Variants in EFCAB14 observed in about 807,000 individuals in gnomAD.
EFCAB14 encodes the protein EF-hand calcium binding domain 14.
Under a neutral mutation model 56.5 loss-of-function variants are expected in EFCAB14, and 43 were observed. The ratio of observed to expected loss-of-function variants is 0.76; its 90% CI spans 0.60 to 0.98. EFCAB14 has a LOEUF of 0.98. EFCAB14 is among the 50% of genes least tolerant of loss of function. The pLI, the probability that EFCAB14 is intolerant of heterozygous loss-of-function variation, is 0.00. For synonymous variants in EFCAB14, 235 were observed against 212.9 expected (o/e 1.10, Z -0.90); for missense variants, 538 against 580.3 (o/e 0.93, Z 0.75).
At chr1:46,681,286 T>C (rs1676790336) in intron 10 of EFCAB14, among the ~76,000 whole-genome samples, 1 of 152,182 alleles carries the variant, frequency 6.6e-6, no homozygotes, top group Non-Finnish European at 1.5e-5. Context: ...AAAAAATACT[T>C]GTGTCCCCAT....
intron 3 of EFCAB14, among the ~76,000 whole-genome samples, chr1:46,706,087 G>A (rs868449390): frequency 2.6e-5 from 4 of 152,046 alleles, no homozygotes; most frequent in African/African-American, 9.7e-5. Context: ...GGCTGATCTG[G>A]AACTCCTTGG....
In EFCAB14 at chr1:46,692,017, G is replaced by A. The variant is rs1042829286; in HGVS notation, c.580-80C>T. 6.0e-6 allele frequency: 6 copies of A among 1,002,962 alleles called. No individual in the cohort carries two copies. The East Asian group carries it at 1.6e-4, about 27-fold the overall frequency. The allele number at this position is 1,002,962 out of a possible 1,614,324, so 62.1% of individuals were successfully genotyped here. ...CAATAAACTGTACATATTCAAAAAT[G>A]TATAATTTGAATGTTTTGACACATA... On this transcript the variant is annotated intron_variant, in intron 4 of 10. Coordinates refer to ENST00000371933, the MANE Select transcript of EFCAB14 (RefSeq NM_014774.3).
Position 46,700,986 on chromosome 1 carries a change from A to AGTGAGTGAGTGTGTGTGT in EFCAB14, c.481-4338_481-4337insACACACACACTCACTCAC, listed in dbSNP as rs145670885. Among the ~76,000 whole-genome samples, 15 of 142,840 alleles carry AGTGAGTGAGTGTGTGTGT rather than the reference A, an allele frequency of 1.1e-4. 1 individual carries two copies. Among genetic ancestry groups the AGTGAGTGAGTGTGTGTGT allele is most frequent in the African/African-American group, 3.6e-4 (14 of 38,710 alleles). The allele number at this position is 142,840 out of a possible 152,430, so 93.7% of individuals were successfully genotyped here. A position where few individuals can be genotyped will look rare whatever the true frequency, so the allele number is the denominator to read the frequency against. ...GAGAGAGAGAGAGAGAGAGTGAGTG[A>AGTGAGTGAGTGTGTGTGT]GTGTGTGTGTGTGTGTGTGTGTGTG... is the stretch of plus-strand genomic sequence containing the variant. On this transcript the variant is annotated intron_variant, in intron 3 of 10. Coordinates refer to ENST00000371933, the MANE Select transcript of EFCAB14 (RefSeq NM_014774.3).
chr1:46,712,169 TCA>T lies in EFCAB14; in HGVS notation c.335-4120_335-4119del, dbSNP rs1275393420. On this transcript the variant is annotated intron_variant, in intron 2 of 10. Transcript: ENST00000371933. The stretch of plus-strand genomic sequence containing the variant: ...TACTTTTTCTAGTATACTTTAGAGG[TCA>T]CAGATACCTATATTCCCTAATGCCC... Among the ~76,000 whole-genome samples the T allele has an allele frequency of 6.6e-5, 10 of 152,318 alleles. No individual in the cohort carries two copies. The East Asian group carries it at 1.9e-3, about 29-fold the overall frequency.
chr1:46,684,431 A>G (rs2148838835), intron 9 of EFCAB14, 60 bp downstream of exon 9: 2 of 1,387,960 alleles, frequency 1.4e-6, no homozygotes, highest in African/African-American at 1.4e-5. Context: ...CCTGCTCCCC[A>G]TGTGAGAGGC....
At chr1:46,678,766 GT>G in intron 10 of EFCAB14, 130 bp from the exon 11 acceptor site, 1 of 580,638 alleles carries the variant, frequency 1.7e-6, no homozygotes, top group Non-Finnish European at 2.5e-6. Flanking sequence ...AAATGGTAAA[GT>G]TTAGGATTTC....
chr1:46,702,034 A>T (rs78353821), intron 3 of EFCAB14, among the ~76,000 whole-genome samples: 2,124 of 152,332 alleles, frequency 0.014, 56 homozygotes, highest in African/African-American at 0.048. Flanking sequence ...AGAATGTCAG[A>T]TCAGATTCAG....
chr1:46,692,568 T>C (rs781200774), intron 4 of EFCAB14, among the ~76,000 whole-genome samples: 1 of 152,166 alleles, frequency 6.6e-6, no homozygotes, highest in Non-Finnish European at 1.5e-5. Flanking sequence ...GGTTATGCCA[T>C]TTTACATTCC....
intron 3 of EFCAB14, among the ~76,000 whole-genome samples, chr1:46,705,755 T>C (rs1431324672): frequency 2.6e-5 from 4 of 152,236 alleles, no homozygotes; most frequent in Non-Finnish European, 5.9e-5. Context: ...TTTGTAAATG[T>C]ATGTATCGCT....
chr1:46,676,036 G>A lies in EFCAB14; in HGVS notation c.*2425C>T, dbSNP rs1412184660. 1 of 152,152 alleles carries A rather than the reference G, an allele frequency of 6.6e-6. No individual in the cohort carries two copies. Among genetic ancestry groups the A allele is most frequent in the Non-Finnish European group, 1.5e-5 (1 of 68,014 alleles). The allele number at this position is 152,152 out of a possible 1,614,324, so 9.4% of individuals were successfully genotyped here. A position where few individuals can be genotyped will look rare whatever the true frequency, so the allele number is the denominator to read the frequency against. On this transcript the variant is annotated 3_prime_UTR_variant, in exon 11 of 11. Transcript: ENST00000371933. ...GAGGCTTGACTACAGCTAAATACAA[G>A]TCACAGGCTTAGTAAGTTAAGACAA...
chr1:46,718,258 G>T lies in EFCAB14; in HGVS notation c.-171C>A. ...CTGACCAGATCCGCCAGGGACTGGA[G>T]ATTGGAGCCCAGAGGAAACTGGAAC... On this transcript the variant is annotated 5_prime_UTR_variant, in exon 1 of 11. Transcript: ENST00000371933. 1.7e-6 allele frequency: 1 copy of T among 603,910 alleles called. No individual in the cohort carries two copies. Among genetic ancestry groups the T allele is most frequent in the Admixed American group, 3.0e-5 (1 of 33,264 alleles). 37.4% of individuals were successfully genotyped at this position (603,910 alleles called of 1,614,324 possible). A position where few individuals can be genotyped will look rare whatever the true frequency, so the allele number is the denominator to read the frequency against.
At chr1:46,703,593 A>T (rs1035074323) in intron 3 of EFCAB14, among the ~76,000 whole-genome samples, 1 of 152,228 alleles carries the variant, frequency 6.6e-6, no homozygotes, top group Non-Finnish European at 1.5e-5. Flanking sequence ...GGAACATCAC[A>T]GTCTCCCTGC....
chr1:46,694,215 A>G (rs978021615), intron 4 of EFCAB14, among the ~76,000 whole-genome samples: 2 of 152,256 alleles, frequency 1.3e-5, no homozygotes, highest in African/African-American at 4.8e-5. Context: ...AACAAAAGCC[A>G]AAATTGACAA....
rs1041539113 is a variant in EFCAB14 at position 46,683,228 on chromosome 1, C to A, written c.1312+72G>T. On this transcript the variant is annotated intron_variant, in intron 10 of 10. Coordinates refer to ENST00000371933, the MANE Select transcript of EFCAB14 (RefSeq NM_014774.3). ...AATGTTAGATCATATATATTTTTGA[C>A]AAGTGAAAATAAACATTAAAAAGTT... The A allele has an allele frequency of 9.2e-6, 14 of 1,516,438 alleles. No homozygotes were observed. The Admixed American group carries it at 2.8e-4, about 30-fold the overall frequency. 93.9% of individuals were successfully genotyped at this position (1,516,438 alleles called of 1,614,324 possible).
At position 46,697,735 on chromosome 1, in the gene EFCAB14, GACC is replaced by G. The variant is rs200615936; in HGVS notation, c.481-1089_481-1087del. 2.2e-3 allele frequency among the ~76,000 whole-genome samples: 336 copies of G among 152,254 alleles called. 8 individuals carry two copies. In the East Asian group the frequency reaches 0.061, roughly 28 times the overall value. On this transcript the variant is annotated intron_variant, in intron 3 of 10. Transcript: ENST00000371933. ...GTGGAGACAGCAGAGAGGCAAACAA[GACC>G]ATGAAGCTCTGCTCTCATGGAGCAT...
intron 7 of EFCAB14, among the ~76,000 whole-genome samples, 167 bp downstream of exon 7, chr1:46,688,186 C>T (rs1342187576): frequency 6.6e-6 from 1 of 152,170 alleles, no homozygotes; most frequent in Non-Finnish European, 1.5e-5. Context: ...ATTCACATCA[C>T]ACAGCTAGTG....
rs1677431035 is a variant in EFCAB14, at chr1:46,718,358, A to T, written c.-271T>A. On this transcript the variant is annotated 5_prime_UTR_variant, in exon 1 of 11. Coordinates refer to ENST00000371933, the MANE Select transcript of EFCAB14 (RefSeq NM_014774.3). ...CCAAAGGATAAGGCCTTGGGTGCAG[A>T]GTGTTAGTAGAGGGTGGAGAGGGAC... 1 of 342,494 alleles carries T rather than the reference A, an allele frequency of 2.9e-6. No homozygotes were observed. Among genetic ancestry groups the T allele is most frequent in the Non-Finnish European group, 5.4e-6 (1 of 185,096 alleles). 21.2% of individuals were successfully genotyped at this position (342,494 alleles called of 1,614,324 possible).
intron 7 of EFCAB14, among the ~76,000 whole-genome samples, 177 bp downstream of exon 7, chr1:46,688,176 A>G (rs1343189400): frequency 6.6e-6 from 1 of 152,186 alleles, no homozygotes; most frequent in East Asian, 1.9e-4. Flanking sequence ...CTGCCTGGCC[A>G]TTCACATCAC....
rs1446118623 is a variant in EFCAB14 at position 46,718,014 on chromosome 1, C to T, written c.74G>A (p.Gly25Asp). The T allele has an allele frequency of 2.5e-6, 4 of 1,614,206 alleles. No individual in the cohort carries two copies. Among genetic ancestry groups the T allele is most frequent in the Non-Finnish European group, 3.4e-6 (4 of 1,180,040 alleles). Residue 25 changes from glycine (G) to aspartate (D), a missense_variant, in exon 1 of 11, where the codon GGC becomes GAC. Coordinates refer to ENST00000371933, the MANE Select transcript of EFCAB14 (RefSeq NM_014774.3). ...GCGAAGCAGGCGGTGACTGCTTGGG[C>T]CTTTCTTGGGCTTCTTTCTCCGGCT... ...GDSRRKKPKK[G>D]PSSHRLLRTE...
Sources: gnomAD v4.1 joint callset for allele counts (sites outside exome capture counted in the v4.1 genomes callset) on GRCh38, gnomAD v4.1.1 for gene constraint, MANE v1.5 for transcripts, NCBI Gene and HGNC (gene_info 2026-07-23, HGNC 2026-07-21) for gene names.